Variants in PTPRD observed in about 807,000 individuals in gnomAD.
PTPRD encodes the protein protein tyrosine phosphatase receptor type D.
Under a neutral mutation model 214.5 loss-of-function variants are expected in PTPRD, and 34 were observed. That is an observed-to-expected ratio of 0.16 (90% CI 0.12 to 0.21). PTPRD has a LOEUF of 0.21. Among genes scored for constraint, PTPRD ranks in the 10% least tolerant of loss-of-function variants. The pLI is 1.00. For synonymous variants in PTPRD, 1,128 were observed against 845.7 expected, an observed-to-expected ratio of 1.33 and a Z score of -5.79; for missense variants, 2,545 against 2,398.7, an observed-to-expected ratio of 1.06 and a Z score of -1.27.
chr9:10,086,737 T>C (rs1407142425), intron 3 of PTPRD, among the ~76,000 whole-genome samples: 1 of 151,840 alleles, frequency 6.6e-6, no homozygotes, highest in Non-Finnish European at 1.5e-5. Context: ...TTGTTTAAGA[T>C]AAATGAAACA....
At chr9:9,639,921 A>G (rs189254139) in intron 7 of PTPRD, among the ~76,000 whole-genome samples, 127 of 152,340 alleles carry the variant, frequency 8.3e-4, no homozygotes, top group African/African-American at 2.9e-3. Context: ...TAGGAAAAGA[A>G]AATACAGGCT....
intron 2 of PTPRD, among the ~76,000 whole-genome samples, chr9:10,486,429 G>A (rs536128984): frequency 2.0e-5 from 3 of 152,096 alleles, no homozygotes; most frequent in Admixed American, 6.5e-5. Flanking sequence ...ACCGTTTACT[G>A]AATAGGAGAT....
intron 12 of PTPRD, among the ~76,000 whole-genome samples, chr9:8,638,500 A>T (rs2096497352): frequency 1.3e-5 from 2 of 152,232 alleles, no homozygotes; most frequent in Admixed American, 6.5e-5. Context: ...TAATTTACAA[A>T]AATTGCAAAA....
intron 11 of PTPRD, among the ~76,000 whole-genome samples, chr9:8,970,270 T>C (rs2154331329): frequency 6.6e-6 from 1 of 152,052 alleles, no homozygotes; most frequent in East Asian, 1.9e-4. Context: ...AGCCATATCA[T>C]CTGTATATCT....
intron 5 of PTPRD, among the ~76,000 whole-genome samples, chr9:9,827,536 C>A (rs1346982547): frequency 6.6e-6 from 1 of 152,120 alleles, no homozygotes; most frequent in Non-Finnish European, 1.5e-5. Flanking sequence ...AAATGTTAGA[C>A]CTAAAACCGT....
At chr9:9,324,351 G>A (rs1404944835) in intron 9 of PTPRD, among the ~76,000 whole-genome samples, 2 of 152,120 alleles carry the variant, frequency 1.3e-5, no homozygotes, top group African/African-American at 4.8e-5. Context: ...TCCAGCACCT[G>A]TTGTTTCTTG....
At chr9:10,357,247 T>G (rs2097296313) in intron 2 of PTPRD, among the ~76,000 whole-genome samples, 1 of 152,114 alleles carries the variant, frequency 6.6e-6, no homozygotes, top group Non-Finnish European at 1.5e-5. Context: ...TGCTTAAGGG[T>G]GTGTTTATAT....
Position 9,815,210 on chromosome 9 carries a change from T to C in PTPRD, c.-367-48359A>G, listed in dbSNP as rs1598587032. On this transcript the variant is annotated intron_variant, in intron 5 of 45. Coordinates refer to ENST00000381196, the MANE Select transcript of PTPRD (RefSeq NM_002839.4). ...AGCCCATACTCATGCGTACATACAT[T>C]GTCCACATATAAGGTCGGCTAATCT... 2.0e-5 allele frequency among the ~76,000 whole-genome samples: 3 copies of C among 152,238 alleles called. No homozygotes were observed. In the South Asian group the frequency reaches 6.2e-4, roughly 32 times the overall value.
intron 11 of PTPRD, among the ~76,000 whole-genome samples, chr9:8,942,525 C>A (rs2099040139): frequency 6.6e-6 from 1 of 152,046 alleles, no homozygotes; most frequent in Non-Finnish European, 1.5e-5. Flanking sequence ...GGGAAAAAAT[C>A]CTACTCAAAG....
intron 3 of PTPRD, among the ~76,000 whole-genome samples, chr9:10,142,397 G>C (rs1343748939): frequency 2.6e-5 from 4 of 151,242 alleles, no homozygotes; most frequent in Non-Finnish European, 5.9e-5. Flanking sequence ...CTAATATCCA[G>C]AATCTACAAT....
intron 2 of PTPRD, among the ~76,000 whole-genome samples, chr9:10,611,916 C>CCTTTT (rs1491167084): frequency 1.1e-5 from 1 of 91,528 alleles, no homozygotes; most frequent in African/African-American, 3.9e-5. Context: ...CCCCCCCCCC[C>CCTTTT]TTTTTTTTTC....
chr9:9,472,489 C>T (rs895610206), intron 8 of PTPRD, among the ~76,000 whole-genome samples: 6 of 151,956 alleles, frequency 3.9e-5, no homozygotes, highest in African/African-American at 1.5e-4. Flanking sequence ...AGGCGTGAGC[C>T]ACCACGCCCG....
intron 3 of PTPRD, among the ~76,000 whole-genome samples, chr9:10,220,342 G>T (rs1350456223): frequency 6.6e-6 from 1 of 151,682 alleles, no homozygotes; most frequent in Non-Finnish European, 1.5e-5. Flanking sequence ...GAAACTATTT[G>T]GTGAAATTAT....
chr9:8,775,124 A>C (rs1307886674), intron 11 of PTPRD, among the ~76,000 whole-genome samples: 1 of 152,190 alleles, frequency 6.6e-6, no homozygotes, highest in African/African-American at 2.4e-5. Context: ...CTTTGAATCA[A>C]TTAATTGTAT....
At chr9:9,674,840 G>A (rs570759108) in intron 7 of PTPRD, among the ~76,000 whole-genome samples, 1 of 151,928 alleles carries the variant, frequency 6.6e-6, no homozygotes, top group East Asian at 1.9e-4. Flanking sequence ...ACTGGTAGCT[G>A]GTGTTGAGCA....
chr9:10,437,347 A>T (rs1203919424), intron 2 of PTPRD, among the ~76,000 whole-genome samples: 1 of 151,914 alleles, frequency 6.6e-6, no homozygotes, highest in Non-Finnish European at 1.5e-5. Context: ...TTGCAAATTG[A>T]TAGCTTTTTC....
intron 39 of PTPRD, among the ~76,000 whole-genome samples, chr9:8,366,690 C>G (rs2079977815): frequency 6.6e-6 from 1 of 152,100 alleles, no homozygotes; most frequent in Non-Finnish European, 1.5e-5. Context: ...TCTTTGGCCT[C>G]CATTAAACAA....
At position 10,552,047 on chromosome 9, in the gene PTPRD, C is replaced by A. The variant is rs193176694; in HGVS notation, c.-600+60351G>T. Among the ~76,000 whole-genome samples, 128 of 152,238 alleles carry A rather than the reference C, an allele frequency of 8.4e-4. 1 individual carries two copies. Among genetic ancestry groups the A allele is most frequent in the African/African-American group, 2.9e-3 (122 of 41,554 alleles). ...GGAGTCTTCAAGCAAACATCTCTCC[C>A]ACAAATTTTCAAAGGATTCATGTTA... On this transcript the variant is annotated intron_variant, in intron 2 of 45. Coordinates refer to ENST00000381196, the MANE Select transcript of PTPRD (RefSeq NM_002839.4).
At chr9:9,954,129 C>T (rs12377161) in intron 4 of PTPRD, among the ~76,000 whole-genome samples, 2 of 151,278 alleles carry the variant, frequency 1.3e-5, no homozygotes, top group African/African-American at 4.9e-5. Context: ...AACCCTGTCT[C>T]TACAAAAAAT....
Sources: allele counts gnomAD v4.1 joint callset (sites outside exome capture counted in the v4.1 genomes callset), GRCh38; gene constraint gnomAD v4.1.1; transcripts MANE v1.5; gene names NCBI Gene and HGNC (gene_info 2026-07-23, HGNC 2026-07-21).